The following PIGU variants were observed in gnomAD, a reference collection of about 807,000 sequenced individuals.
PIGU encodes the protein phosphatidylinositol glycan anchor biosynthesis class U.
Under a neutral mutation model 49.9 loss-of-function variants are expected in PIGU, and 24 were observed. That is an observed-to-expected ratio of 0.48 (90% CI 0.35 to 0.68). The LOEUF is 0.68. PIGU is among the 30% of genes least tolerant of loss of function. The probability of loss-of-function intolerance (pLI) is 0.01; values close to 1 mark genes in which losing one functional copy is unlikely to be tolerated. For synonymous variants in PIGU, 220 were observed against 205.7 expected (o/e 1.07, Z -0.59); for missense variants, 490 against 532.6 (o/e 0.92, Z 0.79).
At chr20:34,633,128 CACAGTGT>C (rs1490666075) in intron 6 of PIGU, among the ~76,000 whole-genome samples, 3 of 152,080 alleles carry the variant, frequency 2.0e-5, no homozygotes, top group African/African-American at 7.2e-5. Flanking sequence ...GAATAACACA[CACAGTGT>C]TGTAAAATAT....
chr20:34,639,985 A>G (rs1223794415), intron 4 of PIGU, among the ~76,000 whole-genome samples: 1 of 152,246 alleles, frequency 6.6e-6, no homozygotes, highest in East Asian at 1.9e-4. Flanking sequence ...TAAGAGGTCT[A>G]GAGTTCTGCA....
chr20:34,669,777 G>C (rs1360961573), intron 1 of PIGU, among the ~76,000 whole-genome samples: 2 of 151,978 alleles, frequency 1.3e-5, no homozygotes, highest in African/African-American at 2.4e-5. Flanking sequence ...ATTGTATCAT[G>C]ATATATAATC....
intron 1 of PIGU, among the ~76,000 whole-genome samples, chr20:34,666,845 T>A (rs1987119799): frequency 6.6e-6 from 1 of 151,882 alleles, no homozygotes. Context: ...TCCAGGCGCC[T>A]GCCACCACGC....
chr20:34,601,700 A>T (rs1284711225), intron 7 of PIGU, among the ~76,000 whole-genome samples: 4 of 152,192 alleles, frequency 2.6e-5, no homozygotes, highest in Admixed American at 2.6e-4. Context: ...CCAGCTCCCA[A>T]AAACTTGACT....
intron 4 of PIGU, among the ~76,000 whole-genome samples, chr20:34,641,871 T>C (rs911676771): frequency 6.6e-6 from 1 of 152,194 alleles, no homozygotes; most frequent in African/African-American, 2.4e-5. Context: ...AAAACTTCTA[T>C]TCTGATGAAG....
At chr20:34,666,047 A>C (rs1346767718) in intron 1 of PIGU, among the ~76,000 whole-genome samples, 3 of 152,102 alleles carry the variant, frequency 2.0e-5, no homozygotes, top group African/African-American at 4.8e-5. Flanking sequence ...TTAGCCAGGC[A>C]TGGTGGCATG....
At chr20:34,569,732 G>A (rs2146694181) in intron 11 of PIGU, among the ~76,000 whole-genome samples, 1 of 152,334 alleles carries the variant, frequency 6.6e-6, no homozygotes, top group Non-Finnish European at 1.5e-5. Context: ...GGAGGTCAGG[G>A]TGTACAGAAA....
intron 6 of PIGU, among the ~76,000 whole-genome samples, chr20:34,619,367 G>T (rs903322757): frequency 4.6e-5 from 7 of 152,180 alleles, no homozygotes; most frequent in African/African-American, 1.7e-4. Context: ...CTGTTCTGGA[G>T]CCCAACAGCT....
intron 4 of PIGU, among the ~76,000 whole-genome samples, chr20:34,638,780 C>T (rs1047744377): frequency 2.6e-5 from 4 of 152,158 alleles, no homozygotes; most frequent in African/African-American, 9.7e-5. Flanking sequence ...AAGCTCTTGC[C>T]TTCCGCTGGT....
At chr20:34,666,018 T>C (rs190860655) in intron 1 of PIGU, among the ~76,000 whole-genome samples, 52 of 152,234 alleles carry the variant, frequency 3.4e-4, no homozygotes, top group Non-Finnish European at 3.2e-4. Flanking sequence ...AAACCCCGTC[T>C]CTACTAAGAA....
intron 6 of PIGU, among the ~76,000 whole-genome samples, chr20:34,629,927 A>G (rs1985639495): frequency 6.6e-6 from 1 of 152,220 alleles, no homozygotes; most frequent in Admixed American, 6.5e-5. Context: ...TAGTGAAAAA[A>G]TACAAAGCAG....
intron 11 of PIGU, among the ~76,000 whole-genome samples, chr20:34,574,835 A>C (rs938021535): frequency 6.6e-6 from 1 of 152,126 alleles, no homozygotes; most frequent in African/African-American, 2.4e-5. Context: ...CTCATTTGTA[A>C]AGTAGGGCTA....
In PIGU at chr20:34,608,071, C is replaced by CT. The variant is rs10555161; in HGVS notation, c.627+7970dup. On this transcript the variant is annotated intron_variant, in intron 7 of 11. Coordinates refer to ENST00000217446, the MANE Select transcript of PIGU (RefSeq NM_080476.5). ...AGTGAGCATCACTATGGAGACATGA[C>CT]TTTTTTTTTTTTTTTTTTTTGAGAC... Among the ~76,000 whole-genome samples the CT allele has an allele frequency of 8.7e-3, 1,081 of 123,818 alleles. 15 individuals are homozygous for CT. The highest frequency in any genetic ancestry group is 0.016 in the African/African-American group (510 of 32,810). 81.2% of individuals were successfully genotyped at this position (123,818 alleles called of 152,430 possible).
At chr20:34,650,701 T>TC (rs1491339144) in intron 2 of PIGU, among the ~76,000 whole-genome samples, 4 of 17,880 alleles carry the variant, frequency 2.2e-4, no homozygotes, top group African/African-American at 1.0e-3. Context: ...TTTTTTTCTC[T>TC]TTTTTTTTTT....
intron 1 of PIGU, among the ~76,000 whole-genome samples, chr20:34,676,149 T>A (rs2146804568): frequency 6.6e-6 from 1 of 152,214 alleles, no homozygotes; most frequent in East Asian, 1.9e-4. Context: ...TTCATCCTAT[T>A]TACTTTCTGC....
At chr20:34,573,723 A>G (rs1351286362) in intron 11 of PIGU, among the ~76,000 whole-genome samples, 1 of 152,250 alleles carries the variant, frequency 6.6e-6, no homozygotes, top group Non-Finnish European at 1.5e-5. Flanking sequence ...TATGCAATTG[A>G]GCCCTGCAGA....
At chr20:34,662,606 C>T (rs918367942) in intron 1 of PIGU, among the ~76,000 whole-genome samples, 2 of 152,010 alleles carry the variant, frequency 1.3e-5, no homozygotes, top group African/African-American at 4.8e-5. Flanking sequence ...GTTGGCCAGG[C>T]TAGTCTTGAA....
chr20:34,573,099 C>T (rs1230912299), intron 11 of PIGU, among the ~76,000 whole-genome samples: 1 of 152,132 alleles, frequency 6.6e-6, no homozygotes, highest in Non-Finnish European at 1.5e-5. Context: ...AATCCTTCTA[C>T]CTTGGTCTCT....
chr20:34,568,268 G>A (rs1202117636), intron 11 of PIGU, among the ~76,000 whole-genome samples: 7 of 152,176 alleles, frequency 4.6e-5, no homozygotes, highest in African/African-American at 1.7e-4. Flanking sequence ...GGTTGTTGGG[G>A]AGGAGAATAG....
Sources: gnomAD v4.1 joint callset for allele counts (sites outside exome capture counted in the v4.1 genomes callset) on GRCh38, gnomAD v4.1.1 for gene constraint, MANE v1.5 for transcripts, NCBI Gene and HGNC (gene_info 2026-07-23, HGNC 2026-07-21) for gene names.